Variants in AFF2 observed in about 807,000 individuals in gnomAD.
AFF2 encodes the protein ALF transcription elongation factor 2, also known as AF4/FMR2 family member 2.
In AFF2, 14 loss-of-function variants were observed where a neutral mutation model predicts 76.9. The ratio of observed to expected loss-of-function variants is 0.18; its 90% confidence interval spans 0.12 to 0.28. The LOEUF (loss-of-function observed/expected upper bound fraction) is 0.28, where lower values mean the gene tolerates loss of function less well. Among genes scored for constraint, AFF2 ranks in the 10% least tolerant of loss-of-function variants. The pLI is 1.00. For synonymous variants in AFF2, 398 were observed against 366.7 expected, an observed-to-expected ratio of 1.09 and a Z score of -0.98; for missense variants, 868 against 1,001.1, an observed-to-expected ratio of 0.87 and a Z score of 1.79.
intron 3 of AFF2, among the ~76,000 whole-genome samples, chrX:148,678,679 T>C: frequency 8.9e-6 from 1 of 111,998 alleles, no homozygotes; most frequent in Non-Finnish European, 1.9e-5. Context: ...AACCCAAAGA[T>C]ACATATAAAA....
intron 1 of AFF2, among the ~76,000 whole-genome samples, chrX:148,582,727 AT>A (rs2053427447): frequency 8.9e-6 from 1 of 112,018 alleles, no homozygotes; most frequent in African/African-American, 3.2e-5. Flanking sequence ...TGACCCAGCA[AT>A]TTTACTCCTA....
intron 1 of AFF2, among the ~76,000 whole-genome samples, chrX:148,541,915 C>G (rs1363450906): frequency 1.9e-5 from 2 of 106,704 alleles, no homozygotes; most frequent in Non-Finnish European, 3.8e-5. Context: ...GCTAAAATAA[C>G]CTGAGGGATG....
chrX:148,963,873 C>T (rs1160597303), intron 13 of AFF2, among the ~76,000 whole-genome samples: 2 of 111,556 alleles, frequency 1.8e-5, no homozygotes, highest in Admixed American at 1.9e-4. Context: ...GCTCTGTTTC[C>T]TTTAAAATGT....
intron 3 of AFF2, among the ~76,000 whole-genome samples, chrX:148,735,071 G>T (rs1231876652): frequency 1.8e-5 from 2 of 112,158 alleles, no homozygotes; most frequent in African/African-American, 6.5e-5. Flanking sequence ...CCTTAGTTTT[G>T]CAGAGGTTTG....
At chrX:148,544,629 C>T (rs1034812718) in intron 1 of AFF2, among the ~76,000 whole-genome samples, 5 of 112,328 alleles carry the variant, frequency 4.5e-5, no homozygotes, top group Non-Finnish European at 9.4e-5. Context: ...TAGGGCAATT[C>T]TGTATTCACA....
intron 1 of AFF2, among the ~76,000 whole-genome samples, chrX:148,642,947 G>A (rs1016035293): frequency 8.9e-6 from 1 of 111,992 alleles, no homozygotes; most frequent in East Asian, 2.8e-4. Flanking sequence ...TTCCTTTCTC[G>A]TAAATCCACG....
chrX:148,803,740 G>T (rs1569555773), intron 3 of AFF2, among the ~76,000 whole-genome samples: 2 of 111,267 alleles, frequency 1.8e-5, no homozygotes, highest in Non-Finnish European at 3.8e-5. Context: ...AGCTGATGAT[G>T]GGCCTTTCTG....
At chrX:148,570,560 CCTT>C (rs1279506394) in intron 1 of AFF2, among the ~76,000 whole-genome samples, 7 of 111,876 alleles carry the variant, frequency 6.3e-5, no homozygotes, top group African/African-American at 2.3e-4. Flanking sequence ...TAATGACAAT[CCTT>C]CTACCTGAGA....
chrX:148,658,359 C>T (rs1230867897), intron 2 of AFF2, among the ~76,000 whole-genome samples: 1 of 112,068 alleles, frequency 8.9e-6, no homozygotes, highest in Non-Finnish European at 1.9e-5. Context: ...GTCACACGTC[C>T]TTCCTTCTGA....
At chrX:148,714,991 AAAAT>A (rs2055011180) in intron 3 of AFF2, among the ~76,000 whole-genome samples, 1 of 111,272 alleles carries the variant, frequency 9.0e-6, no homozygotes, top group African/African-American at 3.3e-5. Flanking sequence ...AAACAAAAAT[AAAAT>A]AAAGGGAAGA....
At chrX:148,987,672 G>A (rs782410325) in intron 20 of AFF2, 115 bp downstream of exon 20, 1 of 664,761 alleles carries the variant, frequency 1.5e-6, no homozygotes, top group Non-Finnish European at 2.3e-6. Context: ...CTGATTTCCA[G>A]AACTTAGATA....
At chrX:148,891,508 C>A (rs1482912522) in intron 8 of AFF2, among the ~76,000 whole-genome samples, 3 of 111,834 alleles carry the variant, frequency 2.7e-5, no homozygotes, top group African/African-American at 9.7e-5. Context: ...ATTAAAATTG[C>A]TGTCTTTAAA....
chrX:148,911,311 C>T (rs1040012388), intron 9 of AFF2, among the ~76,000 whole-genome samples: 18 of 110,995 alleles, frequency 1.6e-4, no homozygotes, highest in Non-Finnish European at 5.7e-5. Flanking sequence ...TTGAAATGGC[C>T]CCCGAGGACC....
chrX:148,704,778 C>T (rs1254088094), intron 3 of AFF2, among the ~76,000 whole-genome samples: 20 of 108,816 alleles, frequency 1.8e-4, no homozygotes, highest in Admixed American at 1.3e-3. Context: ...CCACCCGCCT[C>T]GGCCTCCCAA....
At chrX:148,537,923 C>T (rs1178985333) in intron 1 of AFF2, among the ~76,000 whole-genome samples, 2 of 112,270 alleles carry the variant, frequency 1.8e-5, no homozygotes, top group Admixed American at 9.4e-5. Flanking sequence ...GCGTTTTCTG[C>T]GAGCCAAACC....
In AFF2 at chrX:148,697,496, G is replaced by A. The variant is rs183199238; in HGVS notation, c.1041+34728G>A. Among the ~76,000 whole-genome samples the A allele has an allele frequency of 9.9e-5, 11 of 111,321 alleles. No homozygotes were observed. In the East Asian group the frequency reaches 3.1e-3, roughly 31 times the overall value. Reference sequence around the variant, plus strand: ...CTGCTACTACATCTACAGCAGATGGGTCAGGCCATTTACCAATCCGATCTC... The same window carrying A: ...CTGCTACTACATCTACAGCAGATGGATCAGGCCATTTACCAATCCGATCTC... On this transcript the variant is annotated intron_variant, in intron 3 of 20. Transcript: ENST00000370460.
chrX:148,757,965 G>A (rs1187867595), intron 3 of AFF2, among the ~76,000 whole-genome samples: 3 of 112,146 alleles, frequency 2.7e-5, no homozygotes, highest in Non-Finnish European at 5.6e-5. Context: ...GAGCTCATTC[G>A]GAGTAAATTC....
At chrX:148,518,277 T>C (rs2052560363) in intron 1 of AFF2, among the ~76,000 whole-genome samples, 1 of 111,942 alleles carries the variant, frequency 8.9e-6, no homozygotes, top group South Asian at 3.7e-4. Context: ...AGCTGTTTTC[T>C]TCCAGAGAGC....
chrX:148,620,371 CT>C (rs1557251067), intron 1 of AFF2, among the ~76,000 whole-genome samples: 2 of 110,953 alleles, frequency 1.8e-5, no homozygotes, highest in African/African-American at 6.5e-5. Context: ...GTTATTCATA[CT>C]ATGTGCCTTA....
Sources: allele counts gnomAD v4.1 joint callset (sites outside exome capture counted in the v4.1 genomes callset), GRCh38; gene constraint gnomAD v4.1.1; transcripts MANE v1.5; gene names NCBI Gene and HGNC (gene_info 2026-07-23, HGNC 2026-07-21).